The following TECR variants were observed in gnomAD, a reference collection of about 807,000 sequenced individuals.
TECR encodes very-long-chain enoyl-CoA reductase.
A neutral mutation model predicts 50.6 loss-of-function variants in TECR; 19 were observed. The observed-to-expected ratio is 0.38, with a 90% CI of 0.26 to 0.55. The LOEUF is 0.55. Ranked by LOEUF, TECR falls within the 20% of genes least tolerant of loss-of-function variation. The pLI is 0.79. For missense variants in TECR, 313 were observed against 408.3 expected, an observed-to-expected ratio of 0.77 and a Z score of 2.01; for synonymous variants, 168 against 163.5, an observed-to-expected ratio of 1.03 and a Z score of -0.21.
chr19:14,543,500 G>A (rs1395411090), intron 1 of TECR, among the ~76,000 whole-genome samples: 3 of 117,732 alleles, frequency 2.5e-5, no homozygotes, highest in Non-Finnish European at 5.0e-5. Context: ...GTGCAGTGGC[G>A]CGATCTAGGC....
chr19:14,539,414 G>C (rs925496393), intron 1 of TECR, among the ~76,000 whole-genome samples: 1 of 152,056 alleles, frequency 6.6e-6, no homozygotes, highest in African/African-American at 2.4e-5. Flanking sequence ...CCCAGGAAGT[G>C]GAGGCTAGAA....
At chr19:14,546,988 C>G (rs2073330647) in intron 1 of TECR, among the ~76,000 whole-genome samples, 1 of 152,126 alleles carries the variant, frequency 6.6e-6, no homozygotes, top group Non-Finnish European at 1.5e-5. Context: ...AGCCACTGCA[C>G]CCAGCCTAAA....
At position 14,564,073 on chromosome 19, in the gene TECR, C is replaced by T. The variant is rs1349847583; in HGVS notation, c.359C>T (p.Thr120Met). ...ATCTATGGCCACAAATATGACTTTACGTCCAGTCGGCATACAGTGGTGCAG... is the reference window on the plus strand; with the variant it reads ...ATCTATGGCCACAAATATGACTTTATGTCCAGTCGGCATACAGTGGTGCAG... ...PFIYGHKYDF[T>M]SSRHTVVHLA... The change falls in exon 6 of 13, where the codon ACG (threonine) becomes ATG (methionine). Residue 120 changes from threonine (T) to methionine (M), a missense_variant. Transcript: ENST00000215567. 1.2e-6 allele frequency: 2 copies of T among 1,613,136 alleles called. No homozygotes were observed. Among genetic ancestry groups the T allele is most frequent in the South Asian group, 1.1e-5 (1 of 91,086 alleles).
intron 11 of TECR, 85 bp downstream of exon 11, chr19:14,565,375 G>T (rs1268543526): frequency 4.5e-6 from 7 of 1,545,188 alleles, no homozygotes; most frequent in Non-Finnish European, 6.2e-6. Context: ...CGCCTGGCTG[G>T]GCAGCTGCTT....
rs187924859 is a variant in TECR at position 14,563,291 on chromosome 19, A to G, written c.118+34A>G. On this transcript the variant is annotated intron_variant, in intron 3 of 12. Transcript: ENST00000215567. The surrounding 1 kb of genome is among the most constrained non-coding windows in gnomAD (Gnocchi z 5.3). ...TAGTCCCGGCCACACTGCCCCTGCA[A>G]CCCCTTTGACCAGGGACCTTAGGGT... 303 of 1,577,350 alleles carry G rather than the reference A, an allele frequency of 1.9e-4. 1 individual carries two copies. Among genetic ancestry groups the G allele is most frequent in the Non-Finnish European group, 2.4e-4 (273 of 1,146,828 alleles).
chr19:14,554,181 C>G (rs954093483), intron 1 of TECR, among the ~76,000 whole-genome samples: 2 of 152,150 alleles, frequency 1.3e-5, no homozygotes, highest in African/African-American at 4.8e-5. Context: ...ATCTGTGAAA[C>G]GGAGCTAATG....
chr19:14,551,156 C>G (rs1321062651), intron 1 of TECR, among the ~76,000 whole-genome samples: 1 of 151,808 alleles, frequency 6.6e-6, no homozygotes, highest in Non-Finnish European at 1.5e-5. Flanking sequence ...ACTGCAACCT[C>G]CACCTCCCAG....
At chr19:14,529,403 T>C (rs144552831), upstream of TECR, 107 of 575,726 alleles carry the variant, frequency 1.9e-4, no homozygotes, top group Non-Finnish European at 3.0e-4. Context: ...AAGCCCCTTC[T>C]CTTTAGCCCC....
chr19:14,563,978 T>G lies in TECR; in HGVS notation c.268-4T>G. ...TGACTCATCTTGCCCCCCTCTACTC[T>G]CAGGTCTTCCTAACAGAGTACGCGG... On this transcript the variant is annotated splice_polypyrimidine_tract_variant and splice_region_variant and intron_variant, in intron 5 of 12. Transcript: ENST00000215567. This position sits in a 1 kb window ranked among gnomAD's most constrained non-coding sequence, Gnocchi z 5.3. The G allele has an allele frequency of 6.2e-7, 1 of 1,613,990 alleles. No homozygotes were observed. Among genetic ancestry groups the G allele is most frequent in the Non-Finnish European group, 8.5e-7 (1 of 1,179,926 alleles).
chr19:14,532,009 G>GAAAAA (rs58672365), intron 1 of TECR: 1 of 62,352 alleles, frequency 1.6e-5, no homozygotes, highest in Non-Finnish European at 3.6e-5. Flanking sequence ...CCTGTTTGAA[G>GAAAAA]AAAAAAAAAA....
chr19:14,542,400 G>C (rs1227819211), intron 1 of TECR, among the ~76,000 whole-genome samples: 7 of 115,078 alleles, frequency 6.1e-5, no homozygotes, highest in African/African-American at 1.6e-4. Flanking sequence ...TCGCTTTTGT[G>C]GCCCAGTCTG....
chr19:14,545,651 G>A (rs1009809776), intron 1 of TECR: 2 of 194,392 alleles, frequency 1.0e-5, no homozygotes, highest in African/African-American at 4.7e-5. Flanking sequence ...GACGCAGCAA[G>A]GGGCACAGTC....
At chr19:14,529,378 G>C (rs2072520784), upstream of TECR, 1 of 538,356 alleles carries the variant, frequency 1.9e-6, no homozygotes, top group Non-Finnish European at 3.4e-6. Context: ...ACCTCCTTTG[G>C]ATTGGTGGAT....
At position 14,560,562 on chromosome 19, in the gene TECR, G is replaced by C. The variant is rs1038429016; in HGVS notation, c.16-1963G>C. Among the ~76,000 whole-genome samples, 101 of 152,328 alleles carry C rather than the reference G, an allele frequency of 6.6e-4. 1 individual carries two copies. The highest frequency in any genetic ancestry group is 2.4e-3 in the African/African-American group (99 of 41,584). On this transcript the variant is annotated intron_variant, in intron 1 of 12. Coordinates refer to ENST00000215567, the MANE Select transcript of TECR (RefSeq NM_138501.6). The stretch of plus-strand genomic sequence containing the variant: ...CCAACGTCCTGCGTGGTGTGACCGA[G>C]CTCTTTTTTTCTGGCCCCTCCATGT...
intron 1 of TECR, among the ~76,000 whole-genome samples, chr19:14,544,157 T>C (rs1599442426): frequency 6.6e-6 from 1 of 151,874 alleles, no homozygotes; most frequent in Non-Finnish European, 1.5e-5. Flanking sequence ...GGCTGTGTGG[T>C]CTTGGTCTGA....
At chr19:14,541,716 C>A (rs942724808) in intron 1 of TECR, among the ~76,000 whole-genome samples, 1 of 151,726 alleles carries the variant, frequency 6.6e-6, no homozygotes, top group African/African-American at 2.4e-5. Flanking sequence ...ATATGTCCCA[C>A]GTTGAGGGAT....
intron 1 of TECR, among the ~76,000 whole-genome samples, chr19:14,534,530 G>A (rs1004441457): frequency 1.5e-5 from 2 of 132,840 alleles, no homozygotes; most frequent in Admixed American, 1.7e-4. Context: ...CCACCTCCCC[G>A]GTTCAAGCGA....
Position 14,565,186 on chromosome 19 carries a change from C to T in TECR, c.665-16C>T. ...GGTGAGGGGGTCTGACTTTCTCCTT[C>T]TGTCCTGCCTGCCAGGGTCCAAGAC... On this transcript the variant is annotated splice_polypyrimidine_tract_variant and intron_variant, in intron 10 of 12. Transcript: ENST00000215567. The T allele has an allele frequency of 4.3e-6, 7 of 1,613,964 alleles. No homozygotes were observed. The highest frequency in any genetic ancestry group is 5.9e-6 in the Non-Finnish European group (7 of 1,180,024).
At chr19:14,529,781 G>A in intron 1 of TECR, 70 bp downstream of exon 1, 2 of 1,606,332 alleles carry the variant, frequency 1.2e-6, no homozygotes, top group Non-Finnish European at 1.7e-6. Context: ...GCGGGACCAC[G>A]GGACCCCACT....
Sources: gnomAD v4.1 joint callset for allele counts (sites outside exome capture counted in the v4.1 genomes callset) on GRCh38, gnomAD v4.1.1 for gene constraint, Gnocchi (gnomAD v3.1) non-coding constraint, MANE v1.5 for transcripts, NCBI Gene and HGNC (gene_info 2026-07-23, HGNC 2026-07-21) for gene names.